CCDC192: variants seen among roughly 807,000 people sequenced by gnomAD.
CCDC192 encodes the protein coiled-coil domain containing 192.
intron 5 of CCDC192, among the ~76,000 whole-genome samples, chr5:127,815,990 A>G (rs1351431158): frequency 2.0e-5 from 3 of 152,248 alleles, no homozygotes; most frequent in Non-Finnish European, 4.4e-5. Flanking sequence ...AAGTACAAAA[A>G]TCACATATTT....
intron 6 of CCDC192, among the ~76,000 whole-genome samples, chr5:127,895,292 A>G (rs1580804651): frequency 6.6e-6 from 1 of 152,116 alleles, no homozygotes; most frequent in African/African-American, 2.4e-5. Context: ...ACACAGGCCG[A>G]TTCTGCTTAC....
intron 1 of CCDC192, among the ~76,000 whole-genome samples, chr5:127,706,494 A>C (rs2126769177): frequency 7.0e-6 from 1 of 143,864 alleles, no homozygotes; most frequent in East Asian, 2.3e-4. Context: ...ACTGCACTCC[A>C]GCCTGGGTGA....
chr5:127,835,659 G>A (rs1750002992), intron 5 of CCDC192, among the ~76,000 whole-genome samples: 1 of 152,198 alleles, frequency 6.6e-6, no homozygotes, highest in Non-Finnish European at 1.5e-5. Flanking sequence ...GGTGGAAGGG[G>A]AAGCAAGCAT....
intron 5 of CCDC192, among the ~76,000 whole-genome samples, chr5:127,838,056 T>TA (rs1750109621): frequency 6.6e-6 from 1 of 152,204 alleles, no homozygotes; most frequent in Non-Finnish European, 1.5e-5. Context: ...AACTCTCTAT[T>TA]AAGTATTGGT....
chr5:127,741,592 C>T (rs1443975894), intron 2 of CCDC192, among the ~76,000 whole-genome samples: 1 of 152,120 alleles, frequency 6.6e-6, no homozygotes, highest in Non-Finnish European at 1.5e-5. Context: ...AAAGGAGTCT[C>T]TGTTGCTCAT....
At chr5:127,742,344 T>A (rs1031665334) in intron 2 of CCDC192, among the ~76,000 whole-genome samples, 2 of 152,194 alleles carry the variant, frequency 1.3e-5, no homozygotes, top group Non-Finnish European at 2.9e-5. Flanking sequence ...TTTTCTTTTA[T>A]TCTATCAGTA....
chr5:127,814,020 G>C (rs896341689), intron 5 of CCDC192, among the ~76,000 whole-genome samples: 1 of 152,112 alleles, frequency 6.6e-6, no homozygotes, highest in Non-Finnish European at 1.5e-5. Context: ...CATCCTTCAG[G>C]CTTAGTGGGT....
At chr5:127,742,791 A>G (rs917169422) in intron 2 of CCDC192, among the ~76,000 whole-genome samples, 1 of 152,204 alleles carries the variant, frequency 6.6e-6, no homozygotes, top group African/African-American at 2.4e-5. Flanking sequence ...AATAAATGAC[A>G]GTCTTCAAAG....
At chr5:127,811,267 G>A (rs1257464651) in intron 5 of CCDC192, among the ~76,000 whole-genome samples, 2 of 152,144 alleles carry the variant, frequency 1.3e-5, no homozygotes. Flanking sequence ...GGCATTTTCA[G>A]GTTGTTTTAT....
intron 5 of CCDC192, among the ~76,000 whole-genome samples, chr5:127,841,109 A>G (rs1006906720): frequency 6.6e-6 from 1 of 152,236 alleles, no homozygotes; most frequent in Admixed American, 6.5e-5. Context: ...ATGTCAAACA[A>G]AGAGGAAAAG....
intron 6 of CCDC192, among the ~76,000 whole-genome samples, chr5:127,887,171 A>C (rs958690487): frequency 6.6e-6 from 1 of 151,948 alleles, no homozygotes. Context: ...CTACCAAAAA[A>C]TACAAAATTT....
intron 5 of CCDC192, among the ~76,000 whole-genome samples, chr5:127,874,250 A>T (rs1751977676): frequency 6.6e-6 from 1 of 152,178 alleles, no homozygotes; most frequent in South Asian, 2.1e-4. Flanking sequence ...CCCTTAAAGA[A>T]GTTCCATGAC....
At chr5:127,845,724 G>A (rs920186452) in intron 5 of CCDC192, among the ~76,000 whole-genome samples, 2 of 152,074 alleles carry the variant, frequency 1.3e-5, no homozygotes, top group Admixed American at 6.5e-5. Flanking sequence ...ACAACAGAAT[G>A]CAATTTTAAA....
At chr5:127,849,185 G>A (rs543975746) in intron 5 of CCDC192, among the ~76,000 whole-genome samples, 34 of 152,216 alleles carry the variant, frequency 2.2e-4, no homozygotes, top group Middle Eastern at 3.4e-3. Context: ...AGCTGAGGTC[G>A]CATGCCACTG....
At chr5:127,729,216 G>C (rs1752501065) in intron 2 of CCDC192, among the ~76,000 whole-genome samples, 1 of 152,118 alleles carries the variant, frequency 6.6e-6, no homozygotes, top group Admixed American at 6.6e-5. Context: ...TGCAATCCTA[G>C]TTTCTGACAA....
At chr5:127,707,515 G>A (rs576340660) in intron 1 of CCDC192, among the ~76,000 whole-genome samples, 194 bp from the exon 2 acceptor site, 346 of 151,980 alleles carry the variant, frequency 2.3e-3, no homozygotes, top group African/African-American at 7.5e-3. Context: ...TATCTTCTGC[G>A]AGTAAAGTTT....
At chr5:127,827,399 G>T (rs1036942053) in intron 5 of CCDC192, among the ~76,000 whole-genome samples, 1 of 152,098 alleles carries the variant, frequency 6.6e-6, no homozygotes, top group African/African-American at 2.4e-5. Context: ...AATATCCACC[G>T]TGTCCTTCGG....
chr5:127,901,820 A>G (rs1188018070), intron 6 of CCDC192, among the ~76,000 whole-genome samples: 2 of 152,294 alleles, frequency 1.3e-5, no homozygotes, highest in East Asian at 1.9e-4. Context: ...TCCAAATACT[A>G]TTTTGTATTC....
chr5:127,850,199 C>A (rs1191012845), intron 5 of CCDC192, among the ~76,000 whole-genome samples: 1 of 151,942 alleles, frequency 6.6e-6, no homozygotes, highest in African/African-American at 2.4e-5. Context: ...AGGAACATCG[C>A]ATATATTTGG....
Sources: allele counts gnomAD v4.1 joint callset (sites outside exome capture counted in the v4.1 genomes callset), GRCh38; gene constraint gnomAD v4.1.1; transcripts MANE v1.5; gene names NCBI Gene and HGNC (gene_info 2026-07-23, HGNC 2026-07-21).